Variants in SHISA9 observed in about 807,000 individuals in gnomAD.
The protein encoded by SHISA9 is shisa family member 9, also known as protein shisa-9.
In SHISA9, 13 loss-of-function variants were observed where a neutral mutation model predicts 38.0. The observed-to-expected ratio is 0.34, with a 90% CI of 0.22 to 0.54. The LOEUF (loss-of-function observed/expected upper bound fraction) is 0.54. Among genes scored for constraint, SHISA9 ranks in the 20% least tolerant of loss-of-function variants. The pLI is 0.91. For missense variants in SHISA9, 538 were observed against 575.8 expected, an observed-to-expected ratio of 0.93 and a Z score of 0.67; for synonymous variants, 275 against 242.0, an observed-to-expected ratio of 1.14 and a Z score of -1.27.
intron 2 of SHISA9, among the ~76,000 whole-genome samples, chr16:13,199,912 T>C (rs2050987855): frequency 6.6e-6 from 1 of 152,162 alleles, no homozygotes; most frequent in African/African-American, 2.4e-5. Context: ...AGCTCTTACA[T>C]CCCTGAGCGA....
intron 2 of SHISA9, among the ~76,000 whole-genome samples, chr16:13,019,865 TCCC>T (rs1567183965): frequency 5.7e-4 from 19 of 33,366 alleles, no homozygotes; most frequent in African/African-American, 2.7e-3. Flanking sequence ...CCTCCCTCCC[TCCC>T]TCCCTCCCTC....
At chr16:13,300,747 G>T in the SHISA9 span, among the ~76,000 whole-genome samples, 2 of 152,010 alleles carry the variant, frequency 1.3e-5, no homozygotes, top group Non-Finnish European at 2.9e-5. Context: ...CATTCAAAGA[G>T]ACCAGGTTTC....
the SHISA9 span, among the ~76,000 whole-genome samples, chr16:13,550,922 G>T: frequency 1.3e-5 from 2 of 152,104 alleles, no homozygotes; most frequent in Non-Finnish European, 2.9e-5. Flanking sequence ...AGGCGTTCGA[G>T]ACCAGCCTGG....
At chr16:12,945,556 A>G (rs2071677126) in intron 2 of SHISA9, among the ~76,000 whole-genome samples, 1 of 152,198 alleles carries the variant, frequency 6.6e-6, no homozygotes, top group Admixed American at 6.5e-5. Context: ...GTTCTATGTA[A>G]AGTCTGTAGA....
At chr16:13,335,626 C>G in the SHISA9 span, among the ~76,000 whole-genome samples, 1 of 152,342 alleles carries the variant, frequency 6.6e-6, no homozygotes, top group South Asian at 2.1e-4. Flanking sequence ...ATGAACCAGT[C>G]ACACACTTTC....
At chr16:13,428,255 T>G in the SHISA9 span, among the ~76,000 whole-genome samples, 26 of 152,238 alleles carry the variant, frequency 1.7e-4, no homozygotes, top group Non-Finnish European at 2.9e-4. Flanking sequence ...ATGAAGCTGA[T>G]TATTTGTGCT....
the SHISA9 span, among the ~76,000 whole-genome samples, chr16:13,489,657 T>C: frequency 6.6e-6 from 1 of 152,182 alleles, no homozygotes; most frequent in East Asian, 1.9e-4. Flanking sequence ...CCACCATGAT[T>C]GTGAGACATC....
chr16:12,983,607 A>G lies in SHISA9; in HGVS notation c.691+66792A>G, dbSNP rs113797187. Among the ~76,000 whole-genome samples, 828 of 152,042 alleles carry G rather than the reference A, an allele frequency of 5.4e-3. 3 individuals are homozygous for G. Among genetic ancestry groups the G allele is most frequent in the Non-Finnish European group, 9.3e-3 (633 of 67,982 alleles). The stretch of plus-strand genomic sequence containing the variant: ...AGGTTCACACCATTCTTCTGCCTCA[A>G]CCTCCCAAGTAGCTGGGACTACAGG... On this transcript the variant is annotated intron_variant, in intron 2 of 4. Transcript: ENST00000558583.
intron 2 of SHISA9, among the ~76,000 whole-genome samples, chr16:13,003,912 T>A (rs1355897899): frequency 6.8e-6 from 1 of 147,564 alleles, no homozygotes; most frequent in Non-Finnish European, 1.5e-5. Context: ...AAGAAGAAGT[T>A]ACAACATCCA....
the SHISA9 span, among the ~76,000 whole-genome samples, chr16:13,405,099 C>A: frequency 1.3e-5 from 2 of 152,148 alleles, no homozygotes; most frequent in African/African-American, 4.8e-5. Flanking sequence ...AAGGGTCTTG[C>A]CCCTCAGAGA....
At chr16:13,060,655 A>C (rs1160999014) in intron 2 of SHISA9, among the ~76,000 whole-genome samples, 3 of 151,684 alleles carry the variant, frequency 2.0e-5, no homozygotes, top group South Asian at 2.1e-4. Context: ...AAAAAAAAAA[A>C]AAAAAACACT....
At chr16:13,116,467 G>A (rs2074031678) in intron 2 of SHISA9, among the ~76,000 whole-genome samples, 1 of 152,176 alleles carries the variant, frequency 6.6e-6, no homozygotes, top group Admixed American at 6.5e-5. Context: ...TTTCAGATGT[G>A]AAAGTGATTT....
chr16:13,048,905 GCATTCACATA>G (rs2073217278), intron 2 of SHISA9, among the ~76,000 whole-genome samples: 1 of 152,196 alleles, frequency 6.6e-6, no homozygotes, highest in Non-Finnish European at 1.5e-5. Flanking sequence ...TCAATTAAAT[GCATTCACATA>G]CCACACATTC....
rs537208359 is a variant in SHISA9, at chr16:13,190,657, C to T, written c.692-12737C>T. On this transcript the variant is annotated intron_variant, in intron 2 of 4. Transcript: ENST00000558583. ...GTTCTTCATGTATCCCGCCATGCTG[C>T]GGATCTGCCTCCTACCCTAGACTGT... 3.9e-5 allele frequency among the ~76,000 whole-genome samples: 6 copies of T among 152,318 alleles called. No individual in the cohort carries two copies. The South Asian group carries it at 6.2e-4, about 16-fold the overall frequency.
the SHISA9 span, among the ~76,000 whole-genome samples, chr16:13,437,535 G>T: frequency 6.6e-6 from 1 of 152,304 alleles, no homozygotes; most frequent in Non-Finnish European, 1.5e-5. Flanking sequence ...AAGCCCGGAT[G>T]AGACCCAGCC....
chr16:13,096,765 A>G (rs76710329), intron 2 of SHISA9, among the ~76,000 whole-genome samples: 2,802 of 152,032 alleles, frequency 0.018, 85 homozygotes, highest in African/African-American at 0.063. Flanking sequence ...TGGACTTTTG[A>G]TGTTTCGTGA....
the SHISA9 span, among the ~76,000 whole-genome samples, chr16:13,468,995 C>A: frequency 1.3e-5 from 2 of 151,718 alleles, no homozygotes. Flanking sequence ...GTAATCCCAG[C>A]ACTTTGGGAG....
chr16:13,346,799 G>A, the SHISA9 span, among the ~76,000 whole-genome samples: 3 of 151,926 alleles, frequency 2.0e-5, no homozygotes, highest in Admixed American at 6.6e-5. Context: ...GACTTAATAC[G>A]TATACTTCAA....
At chr16:13,418,975 G>T in the SHISA9 span, among the ~76,000 whole-genome samples, 16 of 152,308 alleles carry the variant, frequency 1.1e-4, no homozygotes, top group Middle Eastern at 6.8e-3. Context: ...AAATAAAGTG[G>T]GGACATCCTA....
Sources: gnomAD v4.1 joint callset for allele counts (sites outside exome capture counted in the v4.1 genomes callset) on GRCh38, gnomAD v4.1.1 for gene constraint, MANE v1.5 for transcripts, NCBI Gene and HGNC (gene_info 2026-07-23, HGNC 2026-07-21) for gene names.